Variants in FHL2 observed in about 807,000 individuals in gnomAD.
The protein encoded by FHL2 is four and a half LIM domains 2.
Under a neutral mutation model 32.7 loss-of-function variants are expected in FHL2, and 20 were observed. The observed-to-expected ratio is 0.61, with a 90% CI of 0.43 to 0.89. The LOEUF (loss-of-function observed/expected upper bound fraction) is 0.89, where lower values mean the gene tolerates loss of function less well. FHL2 is among the 40% of genes least tolerant of loss of function. FHL2 has a pLI of 0.00. For synonymous variants in FHL2, 123 were observed against 128.1 expected (o/e 0.96, Z 0.27); for missense variants, 311 against 358.6 (o/e 0.87, Z 1.07).
chr2:105,398,921 C>A lies in FHL2; in HGVS notation c.-155G>T. ...GGCCCCCACTTCCGAGCCCTGGTGG[C>A]TAAGCCCCTCGGCCTCCCTCCGGGG... On this transcript the variant is annotated 5_prime_UTR_variant, in exon 1 of 7. Transcript: ENST00000530340. The A allele has an allele frequency of 6.5e-7, 1 of 1,540,458 alleles. No homozygotes were observed. Among genetic ancestry groups the A allele is most frequent in the Non-Finnish European group, 8.7e-7 (1 of 1,146,904 alleles).
At chr2:105,367,876 T>A in intron 4 of FHL2, 137 bp from the exon 5 acceptor site, 1 of 763,818 alleles carries the variant, frequency 1.3e-6, no homozygotes. Context: ...GGCTCGCCTC[T>A]ACATGGAGGT....
intron 3 of FHL2, chr2:105,375,865 T>TAGCTTAAAGTATTTTC (rs1211441777): frequency 1.3e-5 from 2 of 152,204 alleles, no homozygotes; most frequent in East Asian, 3.9e-4. Context: ...TTTGTATTTT[T>TAGCTTAAAGTATTTTC]AGCTTAAAGT....
At chr2:105,435,562 C>T (rs920016248) in intron 1 of FHL2, among the ~76,000 whole-genome samples, 5 of 152,116 alleles carry the variant, frequency 3.3e-5, no homozygotes, top group Admixed American at 2.6e-4. Flanking sequence ...TCTTTAAAGA[C>T]CAGAATGACA....
chr2:105,398,227 C>T (rs1156688190), intron 1 of FHL2, among the ~76,000 whole-genome samples: 2 of 152,190 alleles, frequency 1.3e-5, no homozygotes, highest in African/African-American at 4.8e-5. Flanking sequence ...CAGAAAAACA[C>T]TCAATATTTT....
intron 1 of FHL2, among the ~76,000 whole-genome samples, chr2:105,406,669 C>T (rs1178114368): frequency 1.3e-5 from 2 of 152,170 alleles, no homozygotes; most frequent in Non-Finnish European, 1.5e-5. Flanking sequence ...GGAAAGAATG[C>T]TTGAGAGGTT....
intron 3 of FHL2, among the ~76,000 whole-genome samples, chr2:105,377,261 C>T (rs1303892125): frequency 6.6e-6 from 1 of 152,202 alleles, no homozygotes; most frequent in African/African-American, 2.4e-5. Flanking sequence ...GCACTTACTA[C>T]TGAACAGTAC....
intron 3 of FHL2, chr2:105,373,962 G>A (rs932437923): frequency 1.8e-6 from 1 of 567,128 alleles, no homozygotes. Context: ...AGATGTGCAT[G>A]TATGCACATG....
At position 105,399,028 on chromosome 2, in the gene FHL2, C is replaced by G. The variant is rs1683348527; in HGVS notation, c.-262G>C. ...GCTGGAGGGCGCGGGCGGCTGGTGG[C>G]TGCGGCTCCGCTGCCGGCCGAGTGG... On this transcript the variant is annotated 5_prime_UTR_variant, in exon 1 of 7. Coordinates refer to ENST00000530340, the MANE Select transcript of FHL2 (RefSeq NM_001318895.3). 6.7e-7 allele frequency: 1 copy of G among 1,495,534 alleles called. No homozygotes were observed. The highest frequency in any genetic ancestry group is 2.9e-5 in the East Asian group (1 of 34,764). The allele number at this position is 1,495,534 out of a possible 1,614,324, so 92.6% of individuals were successfully genotyped here.
At chr2:105,428,601 G>T (rs938191627) in intron 1 of FHL2, among the ~76,000 whole-genome samples, 1 of 152,226 alleles carries the variant, frequency 6.6e-6, no homozygotes, top group Non-Finnish European at 1.5e-5. Flanking sequence ...CCATGACCAT[G>T]CTTGCCCTGT....
At chr2:105,362,545 C>T (rs749314651) in intron 6 of FHL2, among the ~76,000 whole-genome samples, 2 of 152,202 alleles carry the variant, frequency 1.3e-5, no homozygotes, top group Non-Finnish European at 2.9e-5. Context: ...CTGATAGGAA[C>T]GAACCAGTCA....
chr2:105,436,193 G>A (rs1332904559), intron 1 of FHL2, among the ~76,000 whole-genome samples: 1 of 151,860 alleles, frequency 6.6e-6, no homozygotes, highest in Non-Finnish European at 1.5e-5. Flanking sequence ...ACAAATCAAC[G>A]GTAATAAAAA....
Position 105,411,570 on chromosome 2 carries a change from T to TA in FHL2, c.-24-25031dup, listed in dbSNP as rs1558726042. On this transcript the variant is annotated intron_variant, in intron 1 of 5. Coordinates refer to the FHL2 transcript ENST00000393352. Reference sequence around the variant, plus strand: ...TTTTTTTTTTTTTTTTTTTTGACTTTAAAAGTTCTCATGGTTCCCAGCACT... The same window carrying TA: ...TTTTTTTTTTTTTTTTTTTTGACTTTAAAAAGTTCTCATGGTTCCCAGCACT... Among the ~76,000 whole-genome samples the TA allele has an allele frequency of 4.3e-5, 5 of 117,524 alleles. No individual in the cohort carries two copies. In the South Asian group the frequency reaches 1.4e-3, roughly 33 times the overall value. The allele number at this position is 117,524 out of a possible 152,430, so 77.1% of individuals were successfully genotyped here.
In FHL2 at chr2:105,387,275, C is replaced by T. The variant is rs549637697; in HGVS notation, c.-24-735G>A. On this transcript the variant is annotated intron_variant, in intron 2 of 6. Coordinates refer to ENST00000530340, the MANE Select transcript of FHL2 (RefSeq NM_001318895.3). The stretch of plus-strand genomic sequence containing the variant: ...CTATAAAAAGATTTTCCGTGAGCTC[C>T]TCTTTATGATTCATGATTTGAATAG... Among the ~76,000 whole-genome samples the T allele has an allele frequency of 7.7e-4, 117 of 152,244 alleles. 1 individual carries two copies. Among genetic ancestry groups the T allele is most frequent in the African/African-American group, 2.6e-3 (109 of 41,546 alleles).
At chr2:105,395,246 T>C (rs1000907966) in intron 2 of FHL2, among the ~76,000 whole-genome samples, 3 of 152,232 alleles carry the variant, frequency 2.0e-5, no homozygotes, top group Admixed American at 6.5e-5. Context: ...CTGCACACGC[T>C]AGAATGGCGG....
At chr2:105,396,147 A>T (rs1276177004) in intron 2 of FHL2, among the ~76,000 whole-genome samples, 1 of 152,226 alleles carries the variant, frequency 6.6e-6, no homozygotes, top group Non-Finnish European at 1.5e-5. Flanking sequence ...AAATAGAACC[A>T]ACAAGAGATG....
chr2:105,371,082 T>C (rs2104521235), intron 4 of FHL2, among the ~76,000 whole-genome samples: 1 of 152,302 alleles, frequency 6.6e-6, no homozygotes. Flanking sequence ...GGTTTTTACT[T>C]CTTATCTGAT....
chr2:105,420,649 C>T, intron 1 of FHL2, among the ~76,000 whole-genome samples: 1 of 152,074 alleles, frequency 6.6e-6, no homozygotes. Context: ...TTTTTGGCAC[C>T]AGGGACCCAT....
At chr2:105,414,671 G>A (rs1215777534) in intron 1 of FHL2, among the ~76,000 whole-genome samples, 5 of 152,128 alleles carry the variant, frequency 3.3e-5, no homozygotes, top group Admixed American at 6.5e-5. Flanking sequence ...TCCTGCCTCC[G>A]CCTCTAGAGT....
chr2:105,397,010 G>GTT (rs35576785), intron 1 of FHL2: 2,412 of 108,350 alleles, frequency 0.022, 101 homozygotes, highest in African/African-American at 0.044. Context: ...TATCTAGTCT[G>GTT]TTTTTTTTTT....
Sources: allele counts gnomAD v4.1 joint callset (sites outside exome capture counted in the v4.1 genomes callset), GRCh38; gene constraint gnomAD v4.1.1; transcripts MANE v1.5; gene names NCBI Gene and HGNC (gene_info 2026-07-23, HGNC 2026-07-21).